Variants in PRKCH observed in about 807,000 individuals in gnomAD.
PRKCH encodes protein kinase C eta.
A neutral mutation model predicts 82.5 loss-of-function variants in PRKCH; 28 were observed. The observed-to-expected ratio is 0.34, with a 90% CI of 0.25 to 0.47. PRKCH has a LOEUF of 0.47. Among genes scored for constraint, PRKCH ranks in the 20% least tolerant of loss-of-function variants. The pLI is 1.00. For missense variants in PRKCH, 705 were observed against 881.8 expected, an observed-to-expected ratio of 0.80 and a Z score of 2.54; for synonymous variants, 322 against 327.4, an observed-to-expected ratio of 0.98 and a Z score of 0.18.
intron 5 of PRKCH, among the ~76,000 whole-genome samples, chr14:61,450,554 A>G (rs1884457133): frequency 6.6e-6 from 1 of 152,222 alleles, no homozygotes; most frequent in Non-Finnish European, 1.5e-5. Flanking sequence ...CAAGGAGAGA[A>G]ATATGGCCTG....
intron 1 of PRKCH, among the ~76,000 whole-genome samples, chr14:61,262,121 G>A (rs765711571): frequency 1.6e-4 from 24 of 150,670 alleles, no homozygotes; most frequent in Non-Finnish European, 3.4e-4. Flanking sequence ...CTTGGGAGGC[G>A]GAGGCAGGAG....
At chr14:61,470,947 A>G (rs1594742379) in intron 9 of PRKCH, among the ~76,000 whole-genome samples, 1 of 151,890 alleles carries the variant, frequency 6.6e-6, no homozygotes, top group Non-Finnish European at 1.5e-5. Context: ...CTCCCCAGGG[A>G]CCACCGAGCC....
At chr14:61,470,826 G>T (rs377195875) in intron 9 of PRKCH, among the ~76,000 whole-genome samples, 1 of 151,946 alleles carries the variant, frequency 6.6e-6, no homozygotes, top group Non-Finnish European at 1.5e-5. Context: ...CAAAAGAGGA[G>T]ATCCCTGCTA....
chr14:61,475,852 G>C (rs1885707251), intron 9 of PRKCH, among the ~76,000 whole-genome samples: 1 of 152,178 alleles, frequency 6.6e-6, no homozygotes, highest in African/African-American at 2.4e-5. Flanking sequence ...TATTTGCCCT[G>C]AAATCTCCAG....
chr14:61,318,309 C>T (rs1257551666), upstream of PRKCH, among the ~76,000 whole-genome samples: 1 of 151,998 alleles, frequency 6.6e-6, no homozygotes, highest in African/African-American at 2.4e-5. Flanking sequence ...TCAAGTGATC[C>T]TCCTACCTTG....
At chr14:61,229,339 C>T (rs552047839) in intron 1 of PRKCH, among the ~76,000 whole-genome samples, 1 of 152,202 alleles carries the variant, frequency 6.6e-6, no homozygotes, top group East Asian at 1.9e-4. Flanking sequence ...AGATAGATTG[C>T]AGGAAGGACT....
intron 1 of PRKCH, among the ~76,000 whole-genome samples, chr14:61,250,810 G>T (rs1177073696): frequency 3.3e-5 from 5 of 151,968 alleles, no homozygotes; most frequent in African/African-American, 1.2e-4. Context: ...AGTGGGGGAG[G>T]TTGTAGGCAT....
chr14:61,371,943 A>G (rs1194031450), intron 1 of PRKCH, among the ~76,000 whole-genome samples: 1 of 151,938 alleles, frequency 6.6e-6, no homozygotes, highest in East Asian at 1.9e-4. Flanking sequence ...ACTCATGCAT[A>G]TTTTATATTT....
At chr14:61,264,746 C>A (rs976051001) in intron 1 of PRKCH, among the ~76,000 whole-genome samples, 1 of 152,190 alleles carries the variant, frequency 6.6e-6, no homozygotes, top group South Asian at 2.1e-4. Context: ...ACTCTTTTGA[C>A]CCCCTTCAGT....
chr14:61,482,900 G>A (rs564014294), intron 9 of PRKCH, among the ~76,000 whole-genome samples: 4 of 152,236 alleles, frequency 2.6e-5, no homozygotes, highest in African/African-American at 9.6e-5. Flanking sequence ...TTAGGCTTTC[G>A]ATGCCTACTG....
At chr14:61,211,584 T>C (rs2044581429) in intron 1 of PRKCH, among the ~76,000 whole-genome samples, 1 of 152,182 alleles carries the variant, frequency 6.6e-6, no homozygotes. Flanking sequence ...TTGGATGAAA[T>C]AACCTAAATA....
intron 10 of PRKCH, among the ~76,000 whole-genome samples, chr14:61,522,345 C>G (rs2042917385): frequency 1.3e-5 from 2 of 152,126 alleles, no homozygotes; most frequent in Non-Finnish European, 2.9e-5. Context: ...TAATGCCATC[C>G]CTCTCCTGAG....
intron 1 of PRKCH, among the ~76,000 whole-genome samples, chr14:61,253,699 C>T (rs932210846): frequency 6.6e-6 from 1 of 152,174 alleles, no homozygotes; most frequent in African/African-American, 2.4e-5. Context: ...CCTAATTATA[C>T]TGGTTTCTAA....
At chr14:61,420,952 A>G (rs1882806847) in intron 2 of PRKCH, among the ~76,000 whole-genome samples, 1 of 152,136 alleles carries the variant, frequency 6.6e-6, no homozygotes. Flanking sequence ...CTGGCCCTAG[A>G]TAGGCTAAAG....
At chr14:61,509,507 A>G (rs373251577) in intron 10 of PRKCH, among the ~76,000 whole-genome samples, 1 of 152,168 alleles carries the variant, frequency 6.6e-6, no homozygotes, top group African/African-American at 2.4e-5. Context: ...TTCTAAACAC[A>G]CATAAATTGA....
chr14:61,411,105 A>T (rs1882246405), intron 2 of PRKCH, among the ~76,000 whole-genome samples: 1 of 152,210 alleles, frequency 6.6e-6, no homozygotes, highest in African/African-American at 2.4e-5. Flanking sequence ...AGCCCCAGCG[A>T]CTTCCAACAA....
chr14:61,403,982 A>G (rs555501807), intron 2 of PRKCH, among the ~76,000 whole-genome samples: 3 of 152,324 alleles, frequency 2.0e-5, no homozygotes, highest in African/African-American at 7.2e-5. Context: ...TATTTCCAGC[A>G]ACCCCTTATC....
chr14:61,530,554 C>T lies in PRKCH; in HGVS notation c.1720C>T (p.Pro574Ser), dbSNP rs1445771553. The change falls in exon 12 of 14, where the codon CCT (proline) becomes TCT (serine). Residue 574 changes from proline (P) to serine (S), a missense_variant. Physicochemically the swap from Pro to Ser is moderately conservative, Grantham distance 74. Coordinates refer to ENST00000332981, the MANE Select transcript of PRKCH (RefSeq NM_006255.5). The part of the protein sequence containing the change: ...EAILNDEVVY[P>S]TWLHEDATGI... ...CATACTGAATGATGAGGTGGTCTAC[C>T]CTACCTGGCTCCATGAAGATGCCAC... 6.2e-7 allele frequency: 1 copy of T among 1,608,202 alleles called. No homozygotes were observed. Among genetic ancestry groups the T allele is most frequent in the East Asian group, 2.2e-5 (1 of 44,748 alleles).
At chr14:61,335,904 C>T (rs1013621983) in intron 1 of PRKCH, among the ~76,000 whole-genome samples, 25 of 152,186 alleles carry the variant, frequency 1.6e-4, no homozygotes, top group African/African-American at 6.0e-4. Flanking sequence ...ATTATCAGTG[C>T]ATCATAGTGT....
Sources: allele counts gnomAD v4.1 joint callset (sites outside exome capture counted in the v4.1 genomes callset), GRCh38; gene constraint gnomAD v4.1.1; transcripts MANE v1.5; gene names NCBI Gene and HGNC (gene_info 2026-07-23, HGNC 2026-07-21).